Variants in MYT1L observed in about 807,000 individuals in gnomAD.
MYT1L encodes myelin transcription factor 1 like.
In MYT1L, 12 loss-of-function variants were observed where a neutral mutation model predicts 126.7. The observed-to-expected ratio is 0.09, with a 90% CI of 0.06 to 0.15. MYT1L has a LOEUF of 0.15. MYT1L is among the 10% of genes least tolerant of loss of function. MYT1L has a pLI of 1.00. For synonymous variants in MYT1L, 541 were observed against 604.2 expected (o/e 0.90, Z 1.53); for missense variants, 979 against 1,585.2 (o/e 0.62, Z 6.49).
At chr2:2,106,169 G>A (rs888816580) in intron 3 of MYT1L, among the ~76,000 whole-genome samples, 3 of 152,174 alleles carry the variant, frequency 2.0e-5, no homozygotes, top group African/African-American at 4.8e-5. Context: ...AAGACAGGGC[G>A]AGCTTCCTTT....
At chr2:2,167,030 T>C (rs962045400) in intron 3 of MYT1L, among the ~76,000 whole-genome samples, 3 of 152,160 alleles carry the variant, frequency 2.0e-5, no homozygotes, top group African/African-American at 4.8e-5. Context: ...GTAAATCAGG[T>C]CACTTCCGCC....
At chr2:2,172,713 T>C (rs2090229888) in intron 3 of MYT1L, among the ~76,000 whole-genome samples, 159 bp downstream of exon 3, 1 of 151,460 alleles carries the variant, frequency 6.6e-6, no homozygotes, top group African/African-American at 2.4e-5. Context: ...CAGGGGTACC[T>C]GCACTGTCAC....
intron 21 of MYT1L, among the ~76,000 whole-genome samples, chr2:1,837,175 G>A (rs1377356764): frequency 6.6e-6 from 1 of 152,200 alleles, no homozygotes; most frequent in African/African-American, 2.4e-5. Flanking sequence ...AGAGGCTGGG[G>A]AGTGGGAGGG....
chr2:1,979,589 T>C lies in MYT1L; in HGVS notation c.56-35A>G. ...GATGGAAATAGATAAAAATTTACCA[T>C]CTATCACAAGCGACCCTCTTCCACA... On this transcript the variant is annotated intron_variant, in intron 6 of 24. Coordinates refer to ENST00000647738, the MANE Select transcript of MYT1L (RefSeq NM_001303052.2). The surrounding 1 kb of genome is among the most constrained non-coding windows in gnomAD (Gnocchi z 4.0). 6.2e-7 allele frequency: 1 copy of C among 1,611,258 alleles called. No individual in the cohort carries two copies. The highest frequency in any genetic ancestry group is 8.5e-7 in the Non-Finnish European group (1 of 1,177,510).
intron 4 of MYT1L, among the ~76,000 whole-genome samples, chr2:2,046,259 C>A (rs1407311666): frequency 2.0e-5 from 3 of 152,174 alleles, no homozygotes; most frequent in African/African-American, 7.2e-5. Flanking sequence ...TTTTATAATA[C>A]ACAAATCATA....
At chr2:1,829,811 A>G (rs2039895990) in intron 21 of MYT1L, among the ~76,000 whole-genome samples, 1 of 149,876 alleles carries the variant, frequency 6.7e-6, no homozygotes, top group Admixed American at 6.6e-5. Flanking sequence ...TGACCTTCCC[A>G]TACACCTGTG....
chr2:2,281,256 G>A (rs149429702), intron 2 of MYT1L, among the ~76,000 whole-genome samples: 189 of 152,300 alleles, frequency 1.2e-3, no homozygotes, highest in African/African-American at 4.0e-3. Context: ...GTGATTGCAA[G>A]TTTCCTGAGA....
chr2:2,287,881 G>C (rs2095545891), intron 1 of MYT1L, among the ~76,000 whole-genome samples: 1 of 152,210 alleles, frequency 6.6e-6, no homozygotes, highest in Admixed American at 6.5e-5. Flanking sequence ...CTACAGCTCA[G>C]TTTGAAATTT....
chr2:1,930,604 G>A (rs554874800), intron 9 of MYT1L, among the ~76,000 whole-genome samples: 3 of 152,158 alleles, frequency 2.0e-5, no homozygotes, highest in Non-Finnish European at 4.4e-5. Context: ...GCACGAGGAG[G>A]GCACAGCGCT....
intron 20 of MYT1L, among the ~76,000 whole-genome samples, chr2:1,840,262 G>T (rs1225464953): frequency 1.3e-5 from 2 of 152,272 alleles, no homozygotes; most frequent in Middle Eastern, 3.4e-3. Flanking sequence ...GTGGGATGGG[G>T]ACAAACACCC....
chr2:2,064,543 G>A lies in MYT1L; in HGVS notation c.-303-10420C>T, dbSNP rs550104626. ...ATGACCTCCCTGAGGGAGACTGAAA[G>A]TATCTGTGTACAGAGAGGAGACTTT... On this transcript the variant is annotated intron_variant, in intron 3 of 24. Transcript: ENST00000647738. Among the ~76,000 whole-genome samples, 12 of 152,326 alleles carry A rather than the reference G, an allele frequency of 7.9e-5. No individual in the cohort carries two copies. The South Asian group carries it at 1.9e-3, about 24-fold the overall frequency.
At chr2:2,046,489 T>C (rs1030685620) in intron 4 of MYT1L, among the ~76,000 whole-genome samples, 3 of 152,226 alleles carry the variant, frequency 2.0e-5, no homozygotes, top group Non-Finnish European at 4.4e-5. Flanking sequence ...ATAGCCAACA[T>C]TTCTAATACA....
At chr2:2,219,028 T>C (rs1236590365) in intron 2 of MYT1L, among the ~76,000 whole-genome samples, 1 of 152,156 alleles carries the variant, frequency 6.6e-6, no homozygotes, top group South Asian at 2.1e-4. Context: ...ATGGCTAAGT[T>C]TGGCTAAAAT....
At chr2:1,804,119 T>C (rs978105325) in intron 22 of MYT1L, among the ~76,000 whole-genome samples, 1 of 152,076 alleles carries the variant, frequency 6.6e-6, no homozygotes, top group Non-Finnish European at 1.5e-5. Flanking sequence ...GTTTTTTTGT[T>C]GTTGTTGTTT....
intron 9 of MYT1L, among the ~76,000 whole-genome samples, chr2:1,937,607 A>G (rs941015937): frequency 6.6e-6 from 1 of 151,118 alleles, no homozygotes; most frequent in Non-Finnish European, 1.5e-5. Flanking sequence ...AGAAGGCCCT[A>G]ATGTCCACAG....
chr2:2,192,491 T>C (rs1393435002), intron 2 of MYT1L, among the ~76,000 whole-genome samples: 2 of 152,008 alleles, frequency 1.3e-5, no homozygotes, highest in Admixed American at 6.6e-5. Flanking sequence ...TATGAAAACA[T>C]GCAGCAGAAT....
At chr2:2,172,766 A>T (rs2090243582) in intron 3 of MYT1L, 106 bp downstream of exon 3, 2 of 148,110 alleles carry the variant, frequency 1.4e-5, no homozygotes, top group Non-Finnish European at 3.0e-5. Flanking sequence ...CTCTGTCGCC[A>T]GGAGCCCCTT....
At chr2:1,879,140 T>C (rs1245348734) in intron 18 of MYT1L, among the ~76,000 whole-genome samples, 1 of 152,198 alleles carries the variant, frequency 6.6e-6, no homozygotes, top group Non-Finnish European at 1.5e-5. Flanking sequence ...CAACGGCCCT[T>C]GAGTTCCTTC....
At chr2:2,000,438 G>C (rs1338288270) in intron 4 of MYT1L, among the ~76,000 whole-genome samples, 1 of 152,168 alleles carries the variant, frequency 6.6e-6, no homozygotes, top group Non-Finnish European at 1.5e-5. Context: ...ATTTGCTTTT[G>C]AAAACCAAGC....
Sources: allele counts gnomAD v4.1 joint callset (sites outside exome capture counted in the v4.1 genomes callset), GRCh38; gene constraint gnomAD v4.1.1; non-coding constraint Gnocchi (gnomAD v3.1); transcripts MANE v1.5; gene names NCBI Gene and HGNC (gene_info 2026-07-23, HGNC 2026-07-21).